Variants in DLC1 observed in about 807,000 individuals in gnomAD.
The protein encoded by DLC1 is rho GTPase-activating protein 7.
Under a neutral mutation model 140.3 loss-of-function variants are expected in DLC1, and 54 were observed. The ratio of observed to expected loss-of-function variants is 0.38; its 90% CI spans 0.31 to 0.48. The LOEUF (loss-of-function observed/expected upper bound fraction) is 0.48, where lower values mean the gene tolerates loss of function less well. DLC1 is among the 20% of genes least tolerant of loss of function. The pLI, the probability that DLC1 is intolerant of heterozygous loss-of-function variation, is 0.96. For synonymous variants in DLC1, 986 were observed against 728.1 expected, an observed-to-expected ratio of 1.35 and a Z score of -5.70; for missense variants, 2,536 against 1,907.0, an observed-to-expected ratio of 1.33 and a Z score of -6.14.
chr8:13,343,838 C>T (rs973188250), intron 4 of DLC1, among the ~76,000 whole-genome samples: 4 of 152,088 alleles, frequency 2.6e-5, no homozygotes, highest in Admixed American at 1.3e-4. Flanking sequence ...CTTTTCTGGC[C>T]ATTGGTCTGA....
At chr8:13,331,587 C>A (rs998147441) in intron 4 of DLC1, among the ~76,000 whole-genome samples, 1 of 151,926 alleles carries the variant, frequency 6.6e-6, no homozygotes, top group African/African-American at 2.4e-5. Context: ...CCATATAATG[C>A]TCTCAAATTT....
intron 5 of DLC1, among the ~76,000 whole-genome samples, chr8:13,200,712 C>G (rs540774265): frequency 7.2e-5 from 11 of 152,120 alleles, no homozygotes; most frequent in Admixed American, 3.3e-4. Flanking sequence ...TCAAGAGATC[C>G]TCCTACCTCA....
intron 2 of DLC1, among the ~76,000 whole-genome samples, chr8:13,440,523 A>G (rs568936828): frequency 1.3e-5 from 2 of 152,208 alleles, no homozygotes; most frequent in East Asian, 1.9e-4. Flanking sequence ...AAAGATATGA[A>G]GATATTTTGC....
At chr8:13,110,636 A>G in intron 7 of DLC1, 106 bp downstream of exon 7, 1 of 1,080,510 alleles carries the variant, frequency 9.3e-7, no homozygotes, top group South Asian at 1.5e-5. Flanking sequence ...GCCAATAAAA[A>G]CCTAACACAA....
chr8:13,219,773 C>G (rs1585938865), intron 5 of DLC1, among the ~76,000 whole-genome samples: 1 of 152,040 alleles, frequency 6.6e-6, no homozygotes. Context: ...TGGAAGCATT[C>G]TGAATCGTTA....
At chr8:13,247,929 G>A (rs1251413739) in intron 5 of DLC1, among the ~76,000 whole-genome samples, 1 of 152,202 alleles carries the variant, frequency 6.6e-6, no homozygotes, top group African/African-American at 2.4e-5. Flanking sequence ...TTAATGGGAT[G>A]TTGTTTACAG....
intron 5 of DLC1, among the ~76,000 whole-genome samples, chr8:13,235,740 C>T (rs1025538656): frequency 1.3e-5 from 2 of 151,920 alleles, no homozygotes; most frequent in Non-Finnish European, 2.9e-5. Flanking sequence ...CCAGATGGCT[C>T]ATGTTCACTC....
chr8:13,510,463 T>C (rs543513219), intron 1 of DLC1, among the ~76,000 whole-genome samples: 4 of 152,194 alleles, frequency 2.6e-5, no homozygotes, highest in Non-Finnish European at 5.9e-5. Context: ...AATTGACTTA[T>C]GCCTTTTTAA....
intron 1 of DLC1, among the ~76,000 whole-genome samples, chr8:13,597,051 G>T (rs920661288): frequency 6.6e-6 from 1 of 151,798 alleles, no homozygotes; most frequent in African/African-American, 2.4e-5. Flanking sequence ...ACATAATGCA[G>T]CAAGGACAAG....
chr8:13,099,931 T>A lies in DLC1; in HGVS notation c.2406A>T (p.Pro802=). ...CAGGGATGTAGAACACCGTGTCCTC[T>A]GGGTAGCTCTCGCGGTTCTTAAAGT... is the stretch of plus-strand genomic sequence containing the variant. ...EQNFKNRESY[P]EDTVFYIPED... is the part of the protein sequence containing the mutation. Residue 802 remains proline, a synonymous_variant, in exon 9 of 18, where the codon CCA becomes CCT. Coordinates refer to ENST00000276297, the MANE Select transcript of DLC1 (RefSeq NM_182643.3). The A allele has an allele frequency of 6.2e-7, 1 of 1,613,914 alleles. No homozygotes were observed. Among genetic ancestry groups the A allele is most frequent in the Non-Finnish European group, 8.5e-7 (1 of 1,180,042 alleles).
intron 2 of DLC1, among the ~76,000 whole-genome samples, chr8:13,422,709 A>G (rs1838374205): frequency 6.6e-6 from 1 of 151,990 alleles, no homozygotes; most frequent in Non-Finnish European, 1.5e-5. Flanking sequence ...CAACTATTAG[A>G]TCAATAATAT....
At chr8:13,427,636 C>T (rs1838653684) in intron 2 of DLC1, among the ~76,000 whole-genome samples, 1 of 152,138 alleles carries the variant, frequency 6.6e-6, no homozygotes, top group Non-Finnish European at 1.5e-5. Context: ...CTCTCTGTGA[C>T]TTCTTTCTCA....
rs28408074 is a variant in DLC1 at position 13,551,360 on chromosome 8, T to C, written c.-125-51164A>G. Among the ~76,000 whole-genome samples, 75 of 152,210 alleles carry C rather than the reference T, an allele frequency of 4.9e-4. 1 individual carries two copies. Among genetic ancestry groups the C allele is most frequent in the Middle Eastern group, 3.4e-3 (1 of 294 alleles). ...AGATATATGTGGGTTCAGACAGTTT[T>C]AAGGGATCTAGTTCTAGATTTTGAA... On this transcript the variant is annotated intron_variant, in intron 1 of 1. Transcript: ENST00000631382.
chr8:13,549,179 A>G (rs7842394), intron 1 of DLC1, among the ~76,000 whole-genome samples: 42,636 of 151,854 alleles, frequency 0.28, 6,408 homozygotes, highest in South Asian at 0.39. Context: ...TAGAAATTAA[A>G]TCAGGTTGCT....
intron 5 of DLC1, among the ~76,000 whole-genome samples, chr8:13,224,522 C>T (rs981867967): frequency 4.6e-5 from 7 of 152,150 alleles, no homozygotes; most frequent in African/African-American, 1.7e-4. Flanking sequence ...GACAAAGGCA[C>T]AGGTCTTAAC....
At chr8:13,265,674 C>T (rs1343281799) in intron 5 of DLC1, among the ~76,000 whole-genome samples, 2 of 151,650 alleles carry the variant, frequency 1.3e-5, no homozygotes. Context: ...TCCTTCCCTT[C>T]TTCCTTCTCT....
chr8:13,233,268 C>T (rs776812488), intron 5 of DLC1, among the ~76,000 whole-genome samples: 84 of 130,980 alleles, frequency 6.4e-4, no homozygotes, highest in Non-Finnish European at 8.5e-4. Context: ...ACACTCCAGC[C>T]TGGGCGATAG....
intron 4 of DLC1, among the ~76,000 whole-genome samples, chr8:13,333,799 C>T (rs919277530): frequency 2.0e-5 from 3 of 152,124 alleles, no homozygotes; most frequent in African/African-American, 7.2e-5. Flanking sequence ...TATCTACAAA[C>T]ATGTTTATTT....
chr8:13,436,055 G>C (rs1469632539), intron 2 of DLC1, among the ~76,000 whole-genome samples: 4 of 152,192 alleles, frequency 2.6e-5, no homozygotes, highest in African/African-American at 7.2e-5. Context: ...TTAAAAGACA[G>C]AATGCTGTTG....
Sources: gnomAD v4.1 joint callset for allele counts (sites outside exome capture counted in the v4.1 genomes callset) on GRCh38, gnomAD v4.1.1 for gene constraint, MANE v1.5 for transcripts, NCBI Gene and HGNC (gene_info 2026-07-23, HGNC 2026-07-21) for gene names.